Variants in CDH8 observed in about 807,000 individuals in gnomAD.
CDH8 encodes the protein cadherin 8, also known as cadherin-8.
Under a neutral mutation model 68.1 loss-of-function variants are expected in CDH8, and 17 were observed. That is an observed-to-expected ratio of 0.25 (90% CI 0.17 to 0.37). The LOEUF is 0.37. Among genes scored for constraint, CDH8 ranks in the 10% least tolerant of loss-of-function variants. The probability of loss-of-function intolerance (pLI) is 1.00; values close to 1 mark genes in which losing one functional copy is unlikely to be tolerated. For synonymous variants in CDH8, 372 were observed against 365.1 expected, an observed-to-expected ratio of 1.02 and a Z score of -0.21; for missense variants, 763 against 999.3, an observed-to-expected ratio of 0.76 and a Z score of 3.19.
At chr16:61,862,607 C>T (rs772964946) in intron 3 of CDH8, among the ~76,000 whole-genome samples, 10 of 152,186 alleles carry the variant, frequency 6.6e-5, no homozygotes, top group Non-Finnish European at 1.0e-4. Flanking sequence ...ACTGTTGATG[C>T]ACCTGTACAC....
Position 61,653,893 on chromosome 16 carries a change from C to G in CDH8, c.2115G>C (p.Gln705His). The change falls in exon 12 of 12, where the codon CAG becomes CAC. Residue 705 changes from glutamine to histidine, a missense_variant. Around this residue, in one of 2 missense-constraint regions of CDH8, gnomAD observed 397 missense variants for 436.2 expected, o/e 0.91. Coordinates refer to ENST00000577390, the MANE Select transcript of CDH8 (RefSeq NM_001796.5). ...LPRKDIKPDL[Q>H]FMPRQGLAPV... ...GAGCAAGCCCTTGCCTTGGCATAAA[C>G]TGCAAATCTGGTTTAATATCCTTAC... 1 of 1,614,222 alleles carries G rather than the reference C, an allele frequency of 6.2e-7. No individual in the cohort carries two copies. The highest frequency in any genetic ancestry group is 1.1e-5 in the South Asian group (1 of 91,088).
At chr16:61,677,557 G>A (rs1013091735) in intron 10 of CDH8, among the ~76,000 whole-genome samples, 2 of 151,842 alleles carry the variant, frequency 1.3e-5, no homozygotes, top group Non-Finnish European at 2.9e-5. Flanking sequence ...ATTACATAGA[G>A]AGGACAAATT....
chr16:61,832,429 T>C (rs1962481444), intron 4 of CDH8, among the ~76,000 whole-genome samples: 1 of 151,702 alleles, frequency 6.6e-6, no homozygotes, highest in Non-Finnish European at 1.5e-5. Flanking sequence ...AATAGACTTA[T>C]AGATAGATGG....
chr16:61,878,817 G>A (rs1257054602), intron 3 of CDH8, among the ~76,000 whole-genome samples: 1 of 152,104 alleles, frequency 6.6e-6, no homozygotes, highest in Admixed American at 6.6e-5. Flanking sequence ...GTGCAGAGAA[G>A]GAAATTTACA....
chr16:61,676,211 A>T (rs1313394462), intron 10 of CDH8, among the ~76,000 whole-genome samples: 1 of 146,070 alleles, frequency 6.8e-6, no homozygotes, highest in Admixed American at 6.8e-5. Flanking sequence ...TAACAAGTAA[A>T]ATTGCAAAAA....
chr16:61,982,463 C>T (rs1437248527), intron 2 of CDH8, among the ~76,000 whole-genome samples: 1 of 152,218 alleles, frequency 6.6e-6, no homozygotes, highest in Non-Finnish European at 1.5e-5. Flanking sequence ...TCGTGATCCG[C>T]CCGCCTCGGC....
intron 4 of CDH8, among the ~76,000 whole-genome samples, chr16:61,844,524 A>G (rs144416701): frequency 3.6e-4 from 55 of 152,320 alleles, no homozygotes; most frequent in African/African-American, 1.3e-3. Flanking sequence ...ACAGTCCTCA[A>G]TAACCATTTT....
intron 10 of CDH8, among the ~76,000 whole-genome samples, chr16:61,665,784 CTTCCTT>C (rs973643914): frequency 7.3e-6 from 1 of 136,850 alleles, no homozygotes; most frequent in African/African-American, 2.8e-5. Context: ...TCCTTCCTTC[CTTCCTT>C]CCTTCCTTCC....
intron 10 of CDH8, among the ~76,000 whole-genome samples, chr16:61,672,554 TG>T (rs145728963): frequency 5.3e-5 from 8 of 152,126 alleles, no homozygotes; most frequent in African/African-American, 1.7e-4. Flanking sequence ...GTTTTTCATG[TG>T]TAAAATATTC....
At chr16:61,942,643 C>A (rs935182547) in intron 2 of CDH8, among the ~76,000 whole-genome samples, 4 of 152,198 alleles carry the variant, frequency 2.6e-5, no homozygotes, top group Non-Finnish European at 4.4e-5. Context: ...TGCTAGCTCA[C>A]AACTCACCAA....
chr16:61,795,787 GT>G (rs1171585776), intron 7 of CDH8, among the ~76,000 whole-genome samples: 1 of 152,062 alleles, frequency 6.6e-6, no homozygotes, highest in Non-Finnish European at 1.5e-5. Flanking sequence ...AGGGTTTACT[GT>G]TTTCAAAATA....
intron 3 of CDH8, among the ~76,000 whole-genome samples, chr16:61,870,251 C>T (rs554958389): frequency 6.6e-6 from 1 of 152,166 alleles, no homozygotes; most frequent in Non-Finnish European, 1.5e-5. Context: ...GATACACAAC[C>T]CGTTCTGTCC....
intron 3 of CDH8, among the ~76,000 whole-genome samples, chr16:61,862,516 C>T (rs987150339): frequency 6.6e-6 from 1 of 152,158 alleles, no homozygotes; most frequent in Non-Finnish European, 1.5e-5. Flanking sequence ...AAATCCACAT[C>T]CTTCAGCTTT....
At chr16:61,979,116 C>A (rs563404297) in intron 2 of CDH8, among the ~76,000 whole-genome samples, 2 of 150,694 alleles carry the variant, frequency 1.3e-5, no homozygotes, top group Non-Finnish European at 2.9e-5. Flanking sequence ...CCAGAAACAA[C>A]GGGCCAGAAG....
chr16:62,035,793 A>T (rs1443300549), intron 1 of CDH8, among the ~76,000 whole-genome samples: 1 of 152,176 alleles, frequency 6.6e-6, no homozygotes, highest in African/African-American at 2.4e-5. Flanking sequence ...AACCGGCAGG[A>T]AAACTGGAGG....
intron 8 of CDH8, among the ~76,000 whole-genome samples, chr16:61,729,097 A>C (rs1959463355): frequency 6.6e-6 from 1 of 151,194 alleles, no homozygotes. Context: ...ATCTGCACAA[A>C]AAATCTATGA....
chr16:61,973,809 C>T (rs1051694887), intron 2 of CDH8, among the ~76,000 whole-genome samples: 5 of 152,168 alleles, frequency 3.3e-5, no homozygotes, highest in African/African-American at 7.2e-5. Context: ...ATTTGCAAAT[C>T]GATATCCAGT....
intron 8 of CDH8, among the ~76,000 whole-genome samples, chr16:61,750,057 C>T (rs1960119309): frequency 6.6e-6 from 1 of 152,008 alleles, no homozygotes; most frequent in South Asian, 2.1e-4. Flanking sequence ...CCTTTGTCCC[C>T]CTGTCTCCCT....
At chr16:61,810,027 A>C (rs2142998836) in intron 7 of CDH8, among the ~76,000 whole-genome samples, 1 of 152,346 alleles carries the variant, frequency 6.6e-6, no homozygotes, top group African/African-American at 2.4e-5. Context: ...TATATCATAA[A>C]AAATGTTTTG....
Sources: allele counts gnomAD v4.1 joint callset (sites outside exome capture counted in the v4.1 genomes callset), GRCh38; gene constraint gnomAD v4.1.1; regional missense constraint gnomAD v4.1.1; transcripts MANE v1.5; gene names NCBI Gene and HGNC (gene_info 2026-07-23, HGNC 2026-07-21).